Variants in TPRG1 observed in about 807,000 individuals in gnomAD.
TPRG1 encodes tumor protein p63-regulated gene 1 protein.
A neutral mutation model predicts 29.3 loss-of-function variants in TPRG1; 29 were observed. The ratio of observed to expected loss-of-function variants is 0.99; its 90% CI spans 0.74 to 1.35. The LOEUF (loss-of-function observed/expected upper bound fraction) is 1.35, where lower values mean the gene tolerates loss of function less well. Among genes scored for constraint, TPRG1 ranks in the 40% most tolerant of loss-of-function variants. TPRG1 has a pLI of 0.00. For missense variants in TPRG1, 327 were observed against 335.0 expected (o/e 0.98, Z 0.19); for synonymous variants, 130 against 116.8 (o/e 1.11, Z -0.73).
At chr3:189,224,411 C>T (rs541471781) in intron 3 of TPRG1, among the ~76,000 whole-genome samples, 10 of 152,166 alleles carry the variant, frequency 6.6e-5, no homozygotes, top group African/African-American at 2.2e-4. Flanking sequence ...ACCTGAGAGG[C>T]GGAGCTTGCA....
chr3:189,102,899 C>G (rs1208512747), intron 1 of TPRG1, among the ~76,000 whole-genome samples: 1 of 152,152 alleles, frequency 6.6e-6, no homozygotes, highest in African/African-American at 2.4e-5. Flanking sequence ...AAGCTCATTG[C>G]ACTTGTAAAT....
At chr3:189,304,574 C>A (rs1023581572) in intron 4 of TPRG1, among the ~76,000 whole-genome samples, 2 of 152,138 alleles carry the variant, frequency 1.3e-5, no homozygotes, top group African/African-American at 4.8e-5. Flanking sequence ...TTGGAACAGC[C>A]TGGGGACATG....
At chr3:189,293,938 A>G (rs1485765885) in intron 4 of TPRG1, among the ~76,000 whole-genome samples, 1 of 152,210 alleles carries the variant, frequency 6.6e-6, no homozygotes, top group Non-Finnish European at 1.5e-5. Flanking sequence ...TGTTTGCAAG[A>G]TAAACTCCTG....
At chr3:189,069,996 G>A (rs901991359) in intron 4 of TPRG1, among the ~76,000 whole-genome samples, 12 of 152,198 alleles carry the variant, frequency 7.9e-5, no homozygotes, top group Middle Eastern at 3.4e-3. Context: ...CAGGAGAATC[G>A]GTTGAACCTG....
At chr3:189,158,622 AAAT>A (rs1266947119) in intron 5 of TPRG1, among the ~76,000 whole-genome samples, 1 of 152,042 alleles carries the variant, frequency 6.6e-6, no homozygotes, top group African/African-American at 2.4e-5. Context: ...AAATAAAAAA[AAAT>A]AATAAGTAAA....
upstream of TPRG1, among the ~76,000 whole-genome samples, chr3:189,170,102 C>T (rs546316193): frequency 6.6e-6 from 1 of 152,314 alleles, no homozygotes; most frequent in Admixed American, 6.5e-5. Context: ...TTGCTTAGTC[C>T]TTCTCTTAAG....
rs939356685 is a variant in TPRG1 at position 189,039,866 on chromosome 3, G to A, written c.-463+15920G>A. Among the ~76,000 whole-genome samples, 9 of 151,102 alleles carry A rather than the reference G, an allele frequency of 6.0e-5. No individual in the cohort carries two copies. In the South Asian group the frequency reaches 8.3e-4, roughly 14 times the overall value. ...ATTTTTTTTTTTGACTTTTCAAAGA[G>A]CAACAGAACATTGGAGCTAGAAGTA... On this transcript the variant is annotated intron_variant, in intron 4 of 10. Transcript: ENST00000433971.
At chr3:189,045,717 G>T (rs1714934386) in intron 4 of TPRG1, among the ~76,000 whole-genome samples, 2 of 152,334 alleles carry the variant, frequency 1.3e-5, no homozygotes, top group African/African-American at 2.4e-5. Flanking sequence ...TACACTGAAA[G>T]AAATTATTTA....
intron 4 of TPRG1, among the ~76,000 whole-genome samples, chr3:189,279,976 G>A (rs952962373): frequency 6.6e-6 from 1 of 152,126 alleles, no homozygotes; most frequent in African/African-American, 2.4e-5. Context: ...GGTAGATCAC[G>A]GGTCTTTATC....
At chr3:189,145,292 G>A (rs375977886) in intron 3 of TPRG1, among the ~76,000 whole-genome samples, 1 of 150,570 alleles carries the variant, frequency 6.6e-6, no homozygotes, top group East Asian at 2.0e-4. Context: ...AACCCAGGAG[G>A]TGGAGGTTGC....
chr3:189,310,355 A>G (rs1722290078), intron 4 of TPRG1, 31 bp from the exon 5 acceptor site: 1 of 1,520,574 alleles, frequency 6.6e-7, no homozygotes, highest in Non-Finnish European at 8.9e-7. Context: ...AATGGAAATG[A>G]CTAATCTAAT....
chr3:189,140,107 G>A (rs1277795946), intron 3 of TPRG1, among the ~76,000 whole-genome samples: 1 of 152,170 alleles, frequency 6.6e-6, no homozygotes, highest in African/African-American at 2.4e-5. Flanking sequence ...GTAGTCGTAA[G>A]CATAGGAATC....
chr3:189,098,927 G>A (rs1050589023), upstream of TPRG1, among the ~76,000 whole-genome samples: 3 of 152,116 alleles, frequency 2.0e-5, no homozygotes, highest in Non-Finnish European at 4.4e-5. Flanking sequence ...TAGAACAGGT[G>A]GAAAATCAGA....
At chr3:189,090,483 C>A (rs554828947) in intron 4 of TPRG1, among the ~76,000 whole-genome samples, 3 of 151,800 alleles carry the variant, frequency 2.0e-5, no homozygotes, top group African/African-American at 7.2e-5. Context: ...CTTAGGATGA[C>A]GATTATTGAG....
chr3:189,062,549 A>G (rs1716187539), intron 4 of TPRG1, among the ~76,000 whole-genome samples: 1 of 152,208 alleles, frequency 6.6e-6, no homozygotes, highest in Admixed American at 6.6e-5. Context: ...TCCCCTCATG[A>G]GTTTTATAAA....
intron 5 of TPRG1, among the ~76,000 whole-genome samples, chr3:189,311,817 T>C (rs1349302774): frequency 6.6e-6 from 1 of 151,992 alleles, no homozygotes; most frequent in African/African-American, 2.4e-5. Context: ...AGCCTGACTC[T>C]TTACCACTGA....
intron 4 of TPRG1, among the ~76,000 whole-genome samples, chr3:189,267,984 T>A (rs1714415837): frequency 6.6e-6 from 1 of 152,136 alleles, no homozygotes; most frequent in Non-Finnish European, 1.5e-5. Context: ...GGTGTGGAAA[T>A]GAGAGGTTAC....
chr3:189,290,934 G>T (rs1718889767), intron 4 of TPRG1, among the ~76,000 whole-genome samples: 2 of 152,066 alleles, frequency 1.3e-5, no homozygotes, highest in South Asian at 4.2e-4. Flanking sequence ...ACGGAGTCTT[G>T]CTCTGTCACC....
intron 4 of TPRG1, among the ~76,000 whole-genome samples, chr3:189,258,344 G>A (rs1712302270): frequency 6.6e-6 from 1 of 152,122 alleles, no homozygotes; most frequent in Non-Finnish European, 1.5e-5. Context: ...GTGCAGAACA[G>A]CTAAGATTGC....
Sources: gnomAD v4.1 joint callset for allele counts (sites outside exome capture counted in the v4.1 genomes callset) on GRCh38, gnomAD v4.1.1 for gene constraint, MANE v1.5 for transcripts, NCBI Gene and HGNC (gene_info 2026-07-23, HGNC 2026-07-21) for gene names.